The following PPTC7 variants were observed in gnomAD, a reference collection of about 807,000 sequenced individuals.
PPTC7 encodes protein phosphatase targeting COQ7.
A neutral mutation model predicts 30.8 loss-of-function variants in PPTC7; 6 were observed. The observed-to-expected ratio is 0.19, with a 90% CI of 0.11 to 0.38. PPTC7 has a LOEUF of 0.38. Among genes scored for constraint, PPTC7 ranks in the 10% least tolerant of loss-of-function variants. The pLI, the probability that PPTC7 is intolerant of heterozygous loss-of-function variation, is 1.00. For synonymous variants in PPTC7, 163 were observed against 168.1 expected (o/e 0.97, Z 0.23); for missense variants, 218 against 404.8 (o/e 0.54, Z 3.96).
chr12:110,549,387 T>A (rs900247012), intron 2 of PPTC7, among the ~76,000 whole-genome samples: 1 of 151,764 alleles, frequency 6.6e-6, no homozygotes, highest in African/African-American at 2.4e-5. Flanking sequence ...AAAAAAAAAA[T>A]TACCTAACTA....
At chr12:110,547,576 A>C (rs1372872098) in intron 2 of PPTC7, among the ~76,000 whole-genome samples, 1 of 152,194 alleles carries the variant, frequency 6.6e-6, no homozygotes, top group Admixed American at 6.5e-5. Flanking sequence ...ACAACAACAA[A>C]AAAAGATGAT....
At chr12:110,556,615 G>C (rs2135777422) in intron 1 of PPTC7, among the ~76,000 whole-genome samples, 2 of 152,318 alleles carry the variant, frequency 1.3e-5, no homozygotes, top group East Asian at 3.9e-4. Context: ...AGGAGAAATT[G>C]CTTAAGATCC....
intron 1 of PPTC7, among the ~76,000 whole-genome samples, chr12:110,553,505 A>G (rs1413498076): frequency 6.6e-6 from 1 of 152,090 alleles, no homozygotes; most frequent in Non-Finnish European, 1.5e-5. Context: ...TGGGCCAGGC[A>G]TGGTGGCTCA....
chr12:110,538,395 T>C, intron 4 of PPTC7, 122 bp from the exon 5 acceptor site: 1 of 902,004 alleles, frequency 1.1e-6, no homozygotes, highest in South Asian at 1.7e-5. Context: ...CATCATGCCC[T>C]GGCTAATATG....
At chr12:110,572,368 G>A (rs1380050064) in intron 1 of PPTC7, among the ~76,000 whole-genome samples, 1 of 152,176 alleles carries the variant, frequency 6.6e-6, no homozygotes, top group Admixed American at 6.5e-5. Context: ...TTGAACCCGG[G>A]AGGTGGAGGC....
Position 110,577,595 on chromosome 12 carries a change from C to T in PPTC7, c.223+5214G>A, listed in dbSNP as rs191999911. Among the ~76,000 whole-genome samples, 1,044 of 152,294 alleles carry T rather than the reference C, an allele frequency of 6.9e-3. 1 individual carries two copies. Among genetic ancestry groups the T allele is most frequent in the Non-Finnish European group, 9.4e-3 (637 of 68,030 alleles). On this transcript the variant is annotated intron_variant, in intron 1 of 5. Coordinates refer to ENST00000354300, the MANE Select transcript of PPTC7 (RefSeq NM_139283.2). ...TTTTGTTCATATGATCTTTACACCT[C>T]AAGACAACTACTTTTAAGACTGACA...
intron 2 of PPTC7, among the ~76,000 whole-genome samples, chr12:110,549,434 T>G (rs960986352): frequency 2.0e-5 from 3 of 152,170 alleles, no homozygotes; most frequent in African/African-American, 7.2e-5. Context: ...TACAATTATA[T>G]CTAGCTGAAG....
chr12:110,546,074 GCTAC>G lies in PPTC7; in HGVS notation c.404_407del (p.Gly135AlafsTer63). On this transcript the variant is annotated frameshift_variant and splice_region_variant, in exon 3 of 6. Coordinates refer to ENST00000354300, the MANE Select transcript of PPTC7 (RefSeq NM_139283.2). LOFTEE classifies it high-confidence loss of function. ...CCAGCACCACAATGCAGGCGGTGCTGCTACCTAGAAACAAAAATCATCTCCATTT... is the reference window on the plus strand; with the variant it reads ...CCAGCACCACAATGCAGGCGGTGCTGCTAGAAACAAAAATCATCTCCATTT... 1 of 1,613,090 alleles carries G rather than the reference GCTAC, an allele frequency of 6.2e-7. No individual in the cohort carries two copies. The highest frequency in any genetic ancestry group is 8.5e-7 in the Non-Finnish European group (1 of 1,179,516).
In PPTC7 at chr12:110,535,199, ACCCCG is replaced by A. The variant is rs1420812662; in HGVS notation, c.*1833_*1837del. On this transcript the variant is annotated 3_prime_UTR_variant, in exon 6 of 6. Coordinates refer to ENST00000354300, the MANE Select transcript of PPTC7 (RefSeq NM_139283.2). ...AATAGAGACTCCGTCCAGACCCCCCACCCCGCCCCCACCGCGTCTACCAAAGAATT... is the reference window on the plus strand; with the variant it reads ...AATAGAGACTCCGTCCAGACCCCCCACCCCCACCGCGTCTACCAAAGAATT... 1.4e-5 allele frequency: 2 copies of A among 141,740 alleles called. No homozygotes were observed. The highest frequency in any genetic ancestry group is 5.2e-5 in the African/African-American group (2 of 38,144). 8.8% of individuals were successfully genotyped at this position (141,740 alleles called of 1,614,324 possible). A position where few individuals can be genotyped will look rare whatever the true frequency, so the allele number is the denominator to read the frequency against.
chr12:110,544,963 C>T (rs889360811), intron 3 of PPTC7, among the ~76,000 whole-genome samples: 3 of 152,158 alleles, frequency 2.0e-5, no homozygotes, highest in Non-Finnish European at 4.4e-5. Context: ...TCCAAGACCA[C>T]TTTTTTTAAA....
At chr12:110,550,024 C>T (rs2064338104) in intron 2 of PPTC7, among the ~76,000 whole-genome samples, 1 of 152,126 alleles carries the variant, frequency 6.6e-6, no homozygotes, top group South Asian at 2.1e-4. Flanking sequence ...ATGTCCAAAA[C>T]AGGGAATTAA....
chr12:110,560,004 A>T (rs1471111011), intron 1 of PPTC7, among the ~76,000 whole-genome samples: 2 of 152,180 alleles, frequency 1.3e-5, no homozygotes, highest in Admixed American at 6.5e-5. Context: ...CTAGAATTAC[A>T]GGAATGGGCC....
intron 1 of PPTC7, among the ~76,000 whole-genome samples, chr12:110,569,936 A>G (rs1192066087): frequency 6.6e-6 from 1 of 152,176 alleles, no homozygotes; most frequent in Non-Finnish European, 1.5e-5. Context: ...CACCTCAACC[A>G]CTTTTCAATC....
chr12:110,537,087 G>A lies in PPTC7; in HGVS notation c.865C>T (p.Pro289Ser), dbSNP rs761947355. Residue 289 changes from proline (P) to serine (S), a missense_variant, in exon 6 of 6, where the codon CCA becomes TCA. Coordinates refer to ENST00000354300, the MANE Select transcript of PPTC7 (RefSeq NM_139283.2). ...GAAAGAAGGACGGTGATGTCATCTG[G>A]CTTTCCACCTACAATGAAAATGAGA... ...DNGLNVRGGK[P>S]DDITVLLSIV... is the part of the protein sequence containing the mutation. The A allele has an allele frequency of 6.2e-7, 1 of 1,608,226 alleles. No homozygotes were observed.
chr12:110,551,781 C>T lies in PPTC7; in HGVS notation c.403+8G>A, dbSNP rs1291252651. The T allele has an allele frequency of 1.9e-6, 3 of 1,610,196 alleles. No homozygotes were observed. The highest frequency in any genetic ancestry group is 2.2e-5 in the South Asian group (2 of 90,888). ...CTTTAGAGGAAAACACATAAGATAC[C>T]CACTTACCGAGCAAAGGGACTTTAT... On this transcript the variant is annotated splice_region_variant and intron_variant, in intron 2 of 5. Transcript: ENST00000354300.
chr12:110,562,224 G>A (rs183432073), intron 1 of PPTC7, among the ~76,000 whole-genome samples: 1,471 of 127,626 alleles, frequency 0.012, 15 homozygotes, highest in Middle Eastern at 0.038. Flanking sequence ...GGCGGAGGTT[G>A]CACAGGGAGC....
intron 3 of PPTC7, among the ~76,000 whole-genome samples, chr12:110,544,329 A>AT (rs1308451010): frequency 2.0e-5 from 3 of 152,252 alleles, no homozygotes; most frequent in African/African-American, 7.2e-5. Context: ...AGATGGTTTA[A>AT]TGAGAGCTAT....
At chr12:110,542,180 T>C (rs1299568161) in intron 3 of PPTC7, among the ~76,000 whole-genome samples, 1 of 151,766 alleles carries the variant, frequency 6.6e-6, no homozygotes, top group Non-Finnish European at 1.5e-5. Flanking sequence ...GAAATATCTG[T>C]TGCATAACTG....
chr12:110,563,561 G>T (rs141048280), intron 1 of PPTC7, among the ~76,000 whole-genome samples: 2 of 152,112 alleles, frequency 1.3e-5, no homozygotes, highest in East Asian at 3.9e-4. Context: ...GTTGTGGTGA[G>T]CCGAGACTGC....
Sources: gnomAD v4.1 joint callset for allele counts (sites outside exome capture counted in the v4.1 genomes callset) on GRCh38, gnomAD v4.1.1 for gene constraint, MANE v1.5 for transcripts, NCBI Gene and HGNC (gene_info 2026-07-23, HGNC 2026-07-21) for gene names.